OXSR1: variants seen among roughly 807,000 people sequenced by gnomAD.
The protein encoded by OXSR1 is serine/threonine-protein kinase OSR1.
OXSR1 carries 24 observed loss-of-function variants against 79.8 expected under a neutral mutation model. That is an observed-to-expected ratio of 0.30 (90% CI 0.22 to 0.42). The LOEUF is 0.42. Ranked by LOEUF, OXSR1 falls within the 10% of genes least tolerant of loss-of-function variation. The probability of loss-of-function intolerance (pLI) is 1.00; values close to 1 mark genes in which losing one functional copy is unlikely to be tolerated. For synonymous variants in OXSR1, 226 were observed against 209.2 expected, an observed-to-expected ratio of 1.08 and a Z score of -0.69; for missense variants, 430 against 618.4, an observed-to-expected ratio of 0.70 and a Z score of 3.23.
At chr3:38,188,002 A>G (rs553639845) in intron 2 of OXSR1, among the ~76,000 whole-genome samples, 1 of 152,320 alleles carries the variant, frequency 6.6e-6, no homozygotes, top group East Asian at 1.9e-4. Flanking sequence ...AAAGGAGGAA[A>G]GGATAACTCT....
chr3:38,241,877 G>T (rs1575370872), intron 11 of OXSR1, among the ~76,000 whole-genome samples: 1 of 146,404 alleles, frequency 6.8e-6, no homozygotes, highest in African/African-American at 2.5e-5. Context: ...CCTGAACTTT[G>T]ATTACTCCTT....
chr3:38,218,671 T>G (rs998330095), intron 5 of OXSR1, among the ~76,000 whole-genome samples: 3 of 152,220 alleles, frequency 2.0e-5, no homozygotes, highest in Admixed American at 2.0e-4. Flanking sequence ...ACAAAAGTTT[T>G]AAAATTTTGA....
intron 1 of OXSR1, among the ~76,000 whole-genome samples, chr3:38,180,257 G>T (rs528235607): frequency 3.6e-4 from 55 of 152,250 alleles, no homozygotes; most frequent in African/African-American, 1.3e-3. Context: ...AAATCTTTAA[G>T]TGGACTCGTG....
At chr3:38,222,103 C>T (rs1702601162) in intron 6 of OXSR1, among the ~76,000 whole-genome samples, 1 of 152,160 alleles carries the variant, frequency 6.6e-6, no homozygotes, top group Non-Finnish European at 1.5e-5. Context: ...CATTTTTACT[C>T]TGTTTTAATC....
At chr3:38,248,464 A>G (rs1406844526) in intron 14 of OXSR1, among the ~76,000 whole-genome samples, 1 of 151,982 alleles carries the variant, frequency 6.6e-6, no homozygotes, top group Non-Finnish European at 1.5e-5. Flanking sequence ...AAAAAAAATT[A>G]GTATTAAAGT....
chr3:38,247,575 C>A lies in OXSR1; in HGVS notation c.1258-93C>A, dbSNP rs1201583776. The A allele has an allele frequency of 6.9e-6, 6 of 867,186 alleles. No homozygotes were observed. In the East Asian group the frequency reaches 1.5e-4, roughly 21 times the overall value. The allele number at this position is 867,186 out of a possible 1,614,324, so 53.7% of individuals were successfully genotyped here. ...CCTCAGCTGGAGATGAAGAAAATTG[C>A]TGCCAAGTAAATGATTCCTCTGCCA... On this transcript the variant is annotated intron_variant, in intron 13 of 17. Coordinates refer to ENST00000311806, the MANE Select transcript of OXSR1 (RefSeq NM_005109.3).
At chr3:38,199,410 T>G (rs1312099976) in intron 4 of OXSR1, among the ~76,000 whole-genome samples, 8 of 152,056 alleles carry the variant, frequency 5.3e-5, no homozygotes, top group African/African-American at 1.9e-4. Context: ...TTAATTTTCA[T>G]AAAGATGGGG....
intron 1 of OXSR1, among the ~76,000 whole-genome samples, chr3:38,166,518 C>T (rs1330094600): frequency 6.6e-6 from 1 of 152,002 alleles, no homozygotes; most frequent in Non-Finnish European, 1.5e-5. Context: ...AAGGGCTGGG[C>T]GTGGTGGCTC....
chr3:38,168,591 A>G (rs1701513595), intron 1 of OXSR1, among the ~76,000 whole-genome samples: 1 of 152,206 alleles, frequency 6.6e-6, no homozygotes, highest in Admixed American at 6.5e-5. Flanking sequence ...AATTTACATA[A>G]TTGTTCAGTC....
At chr3:38,187,333 C>T (rs1334244994) in intron 2 of OXSR1, among the ~76,000 whole-genome samples, 1 of 152,136 alleles carries the variant, frequency 6.6e-6, no homozygotes, top group Non-Finnish European at 1.5e-5. Flanking sequence ...GTACACTGTG[C>T]TATACAGAGA....
intron 2 of OXSR1, among the ~76,000 whole-genome samples, chr3:38,190,363 C>T (rs1030987767): frequency 1.3e-5 from 2 of 151,984 alleles, no homozygotes; most frequent in Admixed American, 6.6e-5. Context: ...TATAAAAAAA[C>T]CCTGTTTATT....
chr3:38,229,469 C>G (rs186754888), intron 8 of OXSR1, among the ~76,000 whole-genome samples: 1 of 152,088 alleles, frequency 6.6e-6, no homozygotes. Flanking sequence ...AAAGAATCTA[C>G]AATAATTATC....
At chr3:38,247,984 G>T (rs947470950) in intron 14 of OXSR1, among the ~76,000 whole-genome samples, 1 of 152,108 alleles carries the variant, frequency 6.6e-6, no homozygotes, top group Non-Finnish European at 1.5e-5. Context: ...ATGAGTTTGT[G>T]TATTTACAGT....
At chr3:38,164,189 G>A (rs1308131858), upstream of OXSR1, among the ~76,000 whole-genome samples, 1 of 152,112 alleles carries the variant, frequency 6.6e-6, no homozygotes, top group Admixed American at 6.5e-5. Flanking sequence ...TTCTGAGACG[G>A]TGTCTCCGTC....
chr3:38,252,184 T>C (rs1469824819), intron 16 of OXSR1, 144 bp from the exon 17 acceptor site: 1 of 668,786 alleles, frequency 1.5e-6, no homozygotes, highest in Non-Finnish European at 2.7e-6. Flanking sequence ...ACACTTTCAT[T>C]AGGGGAGTGA....
rs535379250 is a variant in OXSR1, at chr3:38,217,785, C to G, written c.490+1634C>G. Among the ~76,000 whole-genome samples, 252 of 152,312 alleles carry G rather than the reference C, an allele frequency of 1.7e-3. 1 individual carries two copies. The highest frequency in any genetic ancestry group is 6.0e-3 in the African/African-American group (248 of 41,556). Reference sequence around the variant, plus strand: ...TAAAAAATAATTCCTCATTCCACCTCTCACCCCAGCCATGGGTGACCACCA... The same window carrying G: ...TAAAAAATAATTCCTCATTCCACCTGTCACCCCAGCCATGGGTGACCACCA... On this transcript the variant is annotated intron_variant, in intron 5 of 17. Coordinates refer to ENST00000311806, the MANE Select transcript of OXSR1 (RefSeq NM_005109.3).
At chr3:38,245,922 G>A (rs1481934407) in intron 12 of OXSR1, among the ~76,000 whole-genome samples, 153 bp from the exon 13 acceptor site, 6 of 152,166 alleles carry the variant, frequency 3.9e-5, no homozygotes, top group Admixed American at 2.0e-4. Context: ...TTTGACTTCC[G>A]TTTGGAATAG....
At position 38,253,131 on chromosome 3, in the gene OXSR1, T is replaced by C; in HGVS notation, c.*240T>C. 7.9e-6 allele frequency: 4 copies of C among 507,982 alleles called. No individual in the cohort carries two copies. Among genetic ancestry groups the C allele is most frequent in the South Asian group, 2.5e-5 (1 of 39,440 alleles). The allele number at this position is 507,982 out of a possible 1,614,324, so 31.5% of individuals were successfully genotyped here. On this transcript the variant is annotated 3_prime_UTR_variant, in exon 18 of 18. Transcript: ENST00000311806. ...TAGTAAACTTACTTCATATGTCCCC[T>C]GTCTTCCTCCATCTGAGAAGTGGCC... is the stretch of plus-strand genomic sequence containing the variant.
At chr3:38,165,472 G>T (rs1461731747), upstream of OXSR1, 3 of 200,056 alleles carry the variant, frequency 1.5e-5, no homozygotes, top group African/African-American at 4.7e-5. Flanking sequence ...CCCGAGGTGG[G>T]GCGTGACCAG....
Sources: gnomAD v4.1 joint callset for allele counts (sites outside exome capture counted in the v4.1 genomes callset) on GRCh38, gnomAD v4.1.1 for gene constraint, MANE v1.5 for transcripts, NCBI Gene and HGNC (gene_info 2026-07-23, HGNC 2026-07-21) for gene names.